MRPS22: variants seen among roughly 807,000 people sequenced by gnomAD.
The protein encoded by MRPS22 is small ribosomal subunit protein mS22.
Under a neutral mutation model 44.0 loss-of-function variants are expected in MRPS22, and 30 were observed. The ratio of observed to expected loss-of-function variants is 0.68; its 90% confidence interval spans 0.51 to 0.93. The LOEUF is 0.93. Ranked by LOEUF, MRPS22 falls within the 40% of genes least tolerant of loss-of-function variation. MRPS22 has a pLI of 0.00. For synonymous variants in MRPS22, 165 were observed against 154.4 expected, an observed-to-expected ratio of 1.07 and a Z score of -0.51; for missense variants, 447 against 447.8, an observed-to-expected ratio of 1.00 and a Z score of 0.02.
At chr3:139,355,916 C>T in intron 7 of MRPS22, 126 bp downstream of exon 7, 1 of 754,222 alleles carries the variant, frequency 1.3e-6, no homozygotes, top group South Asian at 1.5e-5. Context: ...GTCTTGAAAA[C>T]ATCAGTATGA....
At position 139,344,600 on chromosome 3, in the gene MRPS22, A is replaced by G; in HGVS notation, c.172+402A>G. The G allele has an allele frequency of 4.7e-6, 3 of 641,958 alleles. 1 individual carries two copies. In the South Asian group the frequency reaches 5.3e-5, roughly 11 times the overall value. The allele number at this position is 641,958 out of a possible 1,614,324, so 39.8% of individuals were successfully genotyped here. The stretch of plus-strand genomic sequence containing the variant: ...GGAAGGGTTCCTGGCAAATATGACC[A>G]AAGCTGAGATCTGGTTAGCCATGCT... On this transcript the variant is annotated intron_variant, in intron 1 of 7. Transcript: ENST00000680020.
chr3:139,347,082 T>C (rs1941052166), intron 2 of MRPS22, 38 bp downstream of exon 2: 4 of 1,610,860 alleles, frequency 2.5e-6, no homozygotes, highest in Non-Finnish European at 3.4e-6. Context: ...ATACCTTTCT[T>C]TAAGGGTTTA....
intron 1 of MRPS22, 107 bp downstream of exon 1, chr3:139,344,305 C>A (rs1265856856): frequency 4.5e-5 from 56 of 1,231,656 alleles, no homozygotes; most frequent in Non-Finnish European, 6.0e-5. Context: ...TATCCTAGCG[C>A]TTCCTCAGAT....
At position 139,355,805 on chromosome 3, in the gene MRPS22, T is replaced by C. The variant is rs2107792055; in HGVS notation, c.987+15T>C. ...ATTTAATCAAGGTAAAGTTTTTTTT[T>C]CATATTGGTTGTTTTGTGGTGGTAA... is the stretch of plus-strand genomic sequence containing the variant. On this transcript the variant is annotated intron_variant, in intron 7 of 7. Transcript: ENST00000680020. The C allele has an allele frequency of 6.3e-7, 1 of 1,594,326 alleles. No homozygotes were observed. The highest frequency in any genetic ancestry group is 8.6e-7 in the Non-Finnish European group (1 of 1,162,326).
At chr3:139,353,070 G>A (rs1474015285) in intron 6 of MRPS22, among the ~76,000 whole-genome samples, 1 of 152,058 alleles carries the variant, frequency 6.6e-6, no homozygotes, top group Admixed American at 6.5e-5. Context: ...CAATGCTCCT[G>A]GGTTGCTGAA....
chr3:139,347,208 G>A (rs1287967715), intron 2 of MRPS22, among the ~76,000 whole-genome samples, 164 bp downstream of exon 2: 1 of 152,188 alleles, frequency 6.6e-6, no homozygotes, highest in East Asian at 1.9e-4. Flanking sequence ...TGCCAGAGAG[G>A]GGCAGGGAGC....
At chr3:139,350,716 G>GT (rs1257666463) in intron 4 of MRPS22, 1 of 491,496 alleles carries the variant, frequency 2.0e-6, no homozygotes, top group Non-Finnish European at 3.7e-6. Context: ...GATTACAGGC[G>GT]TGAGCCACCA....
chr3:139,348,703 G>C (rs1560006334), intron 3 of MRPS22, among the ~76,000 whole-genome samples: 1 of 152,204 alleles, frequency 6.6e-6, no homozygotes, highest in East Asian at 1.9e-4. Flanking sequence ...TTTTTGAGAA[G>C]ATAGAATGTT....
At position 139,348,293 on chromosome 3, in the gene MRPS22, T is replaced by A; in HGVS notation, c.473T>A (p.Phe158Tyr). Residue 158 changes from phenylalanine (F) to tyrosine (Y), a missense_variant, in exon 3 of 8, where the codon TTT becomes TAT. Phe to Tyr is a conservative substitution (Grantham distance 22). Coordinates refer to ENST00000680020, the MANE Select transcript of MRPS22 (RefSeq NM_020191.4). ...LEGTETTKYV[F>Y]TDISYSIPHR... is the part of the protein sequence containing the mutation. ...GGAACAGAAACAACCAAATATGTGT[T>A]TACTGATATATCATATAGCATACCA... 6.2e-7 allele frequency: 1 copy of A among 1,614,082 alleles called. No individual in the cohort carries two copies. The highest frequency in any genetic ancestry group is 8.5e-7 in the Non-Finnish European group (1 of 1,179,982).
At chr3:139,356,820 CTT>C in intron 7 of MRPS22, 97 bp from the exon 8 acceptor site, 2 of 835,454 alleles carry the variant, frequency 2.4e-6, no homozygotes, top group Non-Finnish European at 1.9e-6. Flanking sequence ...AAGTAGGACT[CTT>C]TGCTACTACA....
intron 1 of MRPS22, 72 bp downstream of exon 1, chr3:139,344,270 A>C: frequency 6.8e-7 from 1 of 1,481,052 alleles, no homozygotes; most frequent in Middle Eastern, 2.3e-4. Context: ...GCAGGCGAAA[A>C]CCACGCGATA....
chr3:139,348,603 A>G (rs2107788214), intron 3 of MRPS22: 1 of 361,878 alleles, frequency 2.8e-6, no homozygotes, highest in Admixed American at 4.3e-5. Context: ...ACAGAAACCC[A>G]TCCCAAACCA....
Position 139,344,059 on chromosome 3 carries a change from G to A in MRPS22, c.33G>A (p.Trp11Ter), listed in dbSNP as rs754764412. Residue 11 changes from tryptophan to a stop codon, truncating the protein, a stop_gained, in exon 1 of 8, where the codon TGG becomes TGA. Coordinates refer to ENST00000680020, the MANE Select transcript of MRPS22 (RefSeq NM_020191.4). LOFTEE classifies it high-confidence loss of function. Reference protein sequence around the residue: MAPLGTTVLLWSLLRSSPGVE... With the variant: MAPLGTTVLL ...CCCTCGGAACAACTGTATTGCTGTG[G>A]AGCCTCTTGAGGAGTTCTCCGGGCG... The A allele has an allele frequency of 3.1e-6, 5 of 1,614,154 alleles. No homozygotes were observed. Among genetic ancestry groups the A allele is most frequent in the Admixed American group, 3.3e-5 (2 of 60,026 alleles).
chr3:139,353,797 G>A (rs1941195135), intron 6 of MRPS22, among the ~76,000 whole-genome samples: 2 of 152,318 alleles, frequency 1.3e-5, no homozygotes, highest in South Asian at 4.2e-4. Flanking sequence ...GGCTGGTGTT[G>A]ATGGGGATGC....
chr3:139,352,524 G>T, intron 5 of MRPS22, 123 bp from the exon 6 acceptor site: 1 of 798,138 alleles, frequency 1.3e-6, no homozygotes. Context: ...ATGATATGGA[G>T]GCAACTGTAA....
Position 139,350,178 on chromosome 3 carries a change from G to A in MRPS22, c.505-1G>A, listed in dbSNP as rs893243918. 6.2e-7 allele frequency: 1 copy of A among 1,613,914 alleles called. No individual in the cohort carries two copies. The highest frequency in any genetic ancestry group is 8.5e-7 in the Non-Finnish European group (1 of 1,179,982). On this transcript the variant is annotated splice_acceptor_variant, in intron 3 of 7. Transcript: ENST00000680020. LOFTEE classifies it high-confidence loss of function. The stretch of plus-strand genomic sequence containing the variant: ...TCCTTGATTATGTTTTTCTATTTTA[G>A]GAGCGTTTTATTGTCGTCAGAGAAC...
chr3:139,357,066 T>A lies in MRPS22; in HGVS notation c.*52T>A, dbSNP rs1463845175. The A allele has an allele frequency of 7.2e-7, 1 of 1,387,518 alleles. No homozygotes were observed. The highest frequency in any genetic ancestry group is 1.0e-6 in the Non-Finnish European group (1 of 989,470). 86.0% of individuals were successfully genotyped at this position (1,387,518 alleles called of 1,614,324 possible). ...ACTAAATACTGACTACATTTCTCTG[T>A]TAATATTGAGCTAAATGTTAAAAAA... On this transcript the variant is annotated 3_prime_UTR_variant, in exon 8 of 8. Coordinates refer to ENST00000680020, the MANE Select transcript of MRPS22 (RefSeq NM_020191.4).
chr3:139,346,717 T>G, intron 1 of MRPS22, 161 bp from the exon 2 acceptor site: 1 of 705,470 alleles, frequency 1.4e-6, no homozygotes, highest in South Asian at 1.8e-5. Flanking sequence ...CAGTAAATCT[T>G]AAATGAAGAA....
Position 139,357,063 on chromosome 3 carries a change from CT to C in MRPS22, c.*50del. 7.2e-7 allele frequency: 1 copy of C among 1,396,476 alleles called. No homozygotes were observed. Among genetic ancestry groups the C allele is most frequent in the South Asian group, 1.2e-5 (1 of 83,006 alleles). The allele number at this position is 1,396,476 out of a possible 1,614,324, so 86.5% of individuals were successfully genotyped here. On this transcript the variant is annotated 3_prime_UTR_variant, in exon 8 of 8. Coordinates refer to ENST00000680020, the MANE Select transcript of MRPS22 (RefSeq NM_020191.4). The stretch of plus-strand genomic sequence containing the variant: ...TTTACTAAATACTGACTACATTTCT[CT>C]GTTAATATTGAGCTAAATGTTAAAA...
Sources: gnomAD v4.1 joint callset for allele counts (sites outside exome capture counted in the v4.1 genomes callset) on GRCh38, gnomAD v4.1.1 for gene constraint, MANE v1.5 for transcripts, NCBI Gene and HGNC (gene_info 2026-07-23, HGNC 2026-07-21) for gene names.